ADGRL2: variants seen among roughly 807,000 people sequenced by gnomAD.
ADGRL2 encodes the protein adhesion G protein-coupled receptor L2.
ADGRL2 carries 44 observed loss-of-function variants against 157.4 expected under a neutral mutation model. That is an observed-to-expected ratio of 0.28 (90% CI 0.22 to 0.36). The LOEUF (loss-of-function observed/expected upper bound fraction) is 0.36, where lower values mean the gene tolerates loss of function less well. Ranked by LOEUF, ADGRL2 falls within the 10% of genes least tolerant of loss-of-function variation. The pLI is 1.00. For missense variants in ADGRL2, 1,510 were observed against 1,768.9 expected (o/e 0.85, Z 2.63); for synonymous variants, 585 against 624.7 (o/e 0.94, Z 0.95).
chr1:81,636,686 T>C (rs1217988465), intron 3 of ADGRL2, among the ~76,000 whole-genome samples: 1 of 152,200 alleles, frequency 6.6e-6, no homozygotes, highest in Non-Finnish European at 1.5e-5. Flanking sequence ...TAGAGATTAA[T>C]GAAAATCTGT....
At chr1:81,827,028 TA>T (rs76554831) in intron 1 of ADGRL2, among the ~76,000 whole-genome samples, 34,295 of 151,992 alleles carry the variant, frequency 0.23, 5,153 homozygotes, top group East Asian at 0.68. Context: ...TTATGAAAAA[TA>T]AAAAATATTT....
intron 2 of ADGRL2, among the ~76,000 whole-genome samples, chr1:81,522,436 T>C (rs569390483): frequency 6.6e-6 from 1 of 152,320 alleles, no homozygotes; most frequent in African/African-American, 2.4e-5. Flanking sequence ...TAGAGGAACA[T>C]TATAAATATA....
intron 2 of ADGRL2, among the ~76,000 whole-genome samples, chr1:81,508,394 G>A (rs1393757858): frequency 1.3e-5 from 2 of 152,038 alleles, no homozygotes; most frequent in Non-Finnish European, 2.9e-5. Context: ...GACATAACAC[G>A]CTGACGTTGT....
chr1:81,721,535 C>T (rs2084319871), intron 1 of ADGRL2, among the ~76,000 whole-genome samples: 1 of 152,078 alleles, frequency 6.6e-6, no homozygotes, highest in South Asian at 2.1e-4. Context: ...ATGGAACGAT[C>T]TCTTGAGCCC....
chr1:81,606,501 AC>A (rs2081434806), intron 3 of ADGRL2, among the ~76,000 whole-genome samples: 1 of 151,074 alleles, frequency 6.6e-6, no homozygotes, highest in Non-Finnish European at 1.5e-5. Context: ...GCACATGCAC[AC>A]ACACACACAC....
chr1:81,883,285 CA>C (rs897435400), intron 2 of ADGRL2, among the ~76,000 whole-genome samples: 13 of 152,012 alleles, frequency 8.6e-5, no homozygotes, highest in Non-Finnish European at 1.8e-4. Flanking sequence ...TAAAGTGCTA[CA>C]AAAAATACTT....
intron 1 of ADGRL2, among the ~76,000 whole-genome samples, chr1:81,757,543 C>G (rs1031667177): frequency 6.6e-6 from 1 of 152,128 alleles, no homozygotes; most frequent in Admixed American, 6.6e-5. Flanking sequence ...TGTAACCAAT[C>G]CAGCTGTTTC....
chr1:81,780,884 C>A (rs887268290), intron 2 of ADGRL2, among the ~76,000 whole-genome samples: 2 of 152,122 alleles, frequency 1.3e-5, no homozygotes, highest in African/African-American at 4.8e-5. Flanking sequence ...GAGCTTTTGG[C>A]ATCCCTAAGA....
At position 81,990,965 on chromosome 1, in the gene ADGRL2, T is replaced by C. The variant is rs571361091; in HGVS notation, c.4230T>C (p.Ser1410=). ...AAGACCTCTCTCCCTCCAGGAGGAGTGAGAATGAGGACATTTACTATAAAA... is the reference window on the plus strand; with the variant it reads ...AAGACCTCTCTCCCTCCAGGAGGAGCGAGAATGAGGACATTTACTATAAAA... ...MEEDLSPSRR[S]ENEDIYYKSM... The change falls in exon 24 of 24, where the codon AGT becomes AGC. Residue 1410 remains serine, a synonymous_variant. Coordinates refer to ENST00000686636, the MANE Select transcript of ADGRL2 (RefSeq NM_001366006.2). The C allele has an allele frequency of 6.2e-7, 1 of 1,613,322 alleles. No individual in the cohort carries two copies. Among genetic ancestry groups the C allele is most frequent in the East Asian group, 2.2e-5 (1 of 44,828 alleles).
At chr1:81,490,808 A>G (rs2078615683) in intron 2 of ADGRL2, among the ~76,000 whole-genome samples, 1 of 152,348 alleles carries the variant, frequency 6.6e-6, no homozygotes, top group African/African-American at 2.4e-5. Flanking sequence ...ATAAATGCAT[A>G]CATATGCACA....
intron 2 of ADGRL2, among the ~76,000 whole-genome samples, chr1:81,871,049 T>TGGAG (rs2093679646): frequency 3.3e-5 from 5 of 151,528 alleles, no homozygotes; most frequent in Admixed American, 1.3e-4. Context: ...CCTCGTCATT[T>TGGAG]ACATTAGGTA....
intron 1 of ADGRL2, among the ~76,000 whole-genome samples, chr1:81,399,562 C>T (rs1310094711): frequency 6.6e-6 from 1 of 152,132 alleles, no homozygotes; most frequent in African/African-American, 2.4e-5. Context: ...TTAACCAAGT[C>T]AGCTGCTGAA....
At chr1:81,848,869 T>C (rs1038930707) in intron 2 of ADGRL2, among the ~76,000 whole-genome samples, 18 of 151,988 alleles carry the variant, frequency 1.2e-4, no homozygotes, top group Non-Finnish European at 2.4e-4. Context: ...TTACTATGTT[T>C]AGTTATCAGT....
chr1:81,502,729 C>T, intron 2 of ADGRL2: 2 of 1,613,744 alleles, frequency 1.2e-6, no homozygotes, highest in Non-Finnish European at 8.5e-7. Context: ...CCCAGCCGAG[C>T]TCCAGGCAGC....
intron 3 of ADGRL2, among the ~76,000 whole-genome samples, chr1:81,596,825 C>G (rs2081244114): frequency 6.6e-6 from 1 of 152,046 alleles, no homozygotes; most frequent in African/African-American, 2.4e-5. Context: ...TAGTCTCTAG[C>G]TTTCTGCCTT....
chr1:81,966,658 A>G, intron 13 of ADGRL2, 49 bp downstream of exon 13: 1 of 1,553,714 alleles, frequency 6.4e-7, no homozygotes, highest in Non-Finnish European at 8.9e-7. Context: ...AAAAGCAGAA[A>G]GAAAGGAAAG....
At chr1:81,318,069 A>C (rs1208737273) in intron 1 of ADGRL2, among the ~76,000 whole-genome samples, 3 of 152,192 alleles carry the variant, frequency 2.0e-5, no homozygotes, top group Non-Finnish European at 4.4e-5. Flanking sequence ...ATTTGCAATA[A>C]AATAGAAAAC....
chr1:81,784,189 A>T (rs1158438733), intron 2 of ADGRL2, among the ~76,000 whole-genome samples: 2 of 152,194 alleles, frequency 1.3e-5, no homozygotes, highest in Non-Finnish European at 2.9e-5. Context: ...TTTTATGAGG[A>T]CTTTTCAGAT....
chr1:81,786,580 A>C (rs995490951), intron 2 of ADGRL2, among the ~76,000 whole-genome samples: 3 of 152,214 alleles, frequency 2.0e-5, no homozygotes, highest in Non-Finnish European at 4.4e-5. Flanking sequence ...TGTCTCAATA[A>C]ATGTAAATAA....
Sources: gnomAD v4.1 joint callset for allele counts (sites outside exome capture counted in the v4.1 genomes callset) on GRCh38, gnomAD v4.1.1 for gene constraint, MANE v1.5 for transcripts, NCBI Gene and HGNC (gene_info 2026-07-23, HGNC 2026-07-21) for gene names.